Variants in ABL1 observed in about 807,000 individuals in gnomAD.
ABL1 encodes the protein ABL proto-oncogene 1, non-receptor tyrosine kinase.
ABL1 carries 11 observed loss-of-function variants against 94.7 expected under a neutral mutation model. The ratio of observed to expected loss-of-function variants is 0.12; its 90% CI spans 0.07 to 0.19. ABL1 has a LOEUF of 0.19. Ranked by LOEUF, ABL1 falls within the 10% of genes least tolerant of loss-of-function variation. The probability of loss-of-function intolerance (pLI) is 1.00; values close to 1 mark genes in which losing one functional copy is unlikely to be tolerated. For missense variants in ABL1, 1,082 were observed against 1,489.4 expected (o/e 0.73, Z 4.50); for synonymous variants, 656 against 622.4 (o/e 1.05, Z -0.80).
Position 130,884,359 on chromosome 9 carries a change from C to A in ABL1, c.2069C>A (p.Ser690Tyr). ...GFRSPHLWKK[S>Y]STLTSSRLAT... Reference sequence around the variant, plus strand: ...CGGTCTCCCCACCTGTGGAAGAAGTCCAGCACGCTGACCAGCAGCCGCCTA... The same window carrying A: ...CGGTCTCCCCACCTGTGGAAGAAGTACAGCACGCTGACCAGCAGCCGCCTA... Residue 690 changes from serine to tyrosine, a missense_variant, in exon 11 of 11, where the codon TCC (serine) becomes TAC (tyrosine). Transcript: ENST00000318560. The surrounding 1 kb of genome is among the most constrained non-coding windows in gnomAD (Gnocchi z 5.6). 6.2e-7 allele frequency: 1 copy of A among 1,612,054 alleles called. No homozygotes were observed. Among genetic ancestry groups the A allele is most frequent in the Non-Finnish European group, 8.5e-7 (1 of 1,179,784 alleles).
intron 1 of ABL1, among the ~76,000 whole-genome samples, chr9:130,802,095 C>CTTT (rs3085157): frequency 0.031 from 4,093 of 132,024 alleles, 179 homozygotes; most frequent in African/African-American, 0.066. Context: ...TTCCTTCAGT[C>CTTT]TTTTTTTTTT....
At position 130,819,853 on chromosome 9, in the gene ABL1, C is replaced by CTT. The variant is rs777754388; in HGVS notation, c.137-34197_137-34196dup. On this transcript the variant is annotated intron_variant, in intron 1 of 10. Coordinates refer to the ABL1 transcript ENST00000372348. ...ACCGCGCCCAGCTGAAAAATACCTA[C>CTT]TTTTTTTTTTTTTTTACAGCAGGAG... Among the ~76,000 whole-genome samples, 325 of 143,046 alleles carry CTT rather than the reference C, an allele frequency of 2.3e-3. 2 individuals carry two copies. The highest frequency in any genetic ancestry group is 6.9e-3 in the African/African-American group (268 of 39,052). The allele number at this position is 143,046 out of a possible 152,430, so 93.8% of individuals were successfully genotyped here.
chr9:130,763,925 T>C (rs1366380857), intron 1 of ABL1, among the ~76,000 whole-genome samples: 5 of 152,150 alleles, frequency 3.3e-5, no homozygotes, highest in Non-Finnish European at 7.3e-5. Context: ...TAATGGCACG[T>C]GTACCGCTAC....
intron 1 of ABL1, among the ~76,000 whole-genome samples, chr9:130,805,268 C>CG (rs778753292): frequency 6.6e-6 from 1 of 152,100 alleles, no homozygotes; most frequent in African/African-American, 2.4e-5. Context: ...TTAGTAGAGA[C>CG]GGGGTTTCAC....
At chr9:130,753,039 G>A (rs566552376) in intron 1 of ABL1, among the ~76,000 whole-genome samples, 102 of 151,918 alleles carry the variant, frequency 6.7e-4, no homozygotes, top group African/African-American at 2.3e-3. Flanking sequence ...GGTGGATCAC[G>A]AGGTCAGGAG....
chr9:130,832,053 A>C (rs541984714), upstream of ABL1, among the ~76,000 whole-genome samples: 1 of 152,262 alleles, frequency 6.6e-6, no homozygotes, highest in Admixed American at 6.5e-5. Flanking sequence ...TAGATTGTCC[A>C]TGGATTATGC....
chr9:130,769,812 A>G (rs1409327240), intron 1 of ABL1, among the ~76,000 whole-genome samples: 1 of 152,110 alleles, frequency 6.6e-6, no homozygotes, highest in African/African-American at 2.4e-5. Context: ...ATCACCCCCT[A>G]GAATTCCCTT....
intron 1 of ABL1, among the ~76,000 whole-genome samples, chr9:130,793,593 T>G (rs1368602705): frequency 2.6e-5 from 4 of 152,192 alleles, no homozygotes; most frequent in Non-Finnish European, 5.9e-5. Flanking sequence ...TTGACTGCAA[T>G]TTTAGTACTG....
At chr9:130,786,155 G>C (rs1296158790) in intron 1 of ABL1, among the ~76,000 whole-genome samples, 1 of 152,302 alleles carries the variant, frequency 6.6e-6, no homozygotes, top group Admixed American at 6.5e-5. Context: ...AGCCTTTGTT[G>C]GGCTTCTGTG....
rs1170504567 is a variant in ABL1 at position 130,885,391 on chromosome 9, A to C, written c.3101A>C (p.Asp1034Ala). ...GCCATCACCAAGGGCGTGGTCCTGGACAGCACCGAGGCGCTGTGCCTCGCC... is the reference window on the plus strand; with the variant it reads ...GCCATCACCAAGGGCGTGGTCCTGGCCAGCACCGAGGCGCTGTGCCTCGCC... Reference protein sequence around the residue: ...SGAITKGVVLDSTEALCLAIS... With the variant: ...SGAITKGVVLASTEALCLAIS... The change falls in exon 11 of 11, where the codon GAC becomes GCC. Residue 1034 changes from aspartate to alanine, a missense_variant. This residue lies in a region of ABL1 where 780 missense variants were observed against 835.8 expected (regional missense o/e 0.93). Coordinates refer to ENST00000318560, the MANE Select transcript of ABL1 (RefSeq NM_005157.6). 2 of 1,613,694 alleles carry C rather than the reference A, an allele frequency of 1.2e-6. No homozygotes were observed. The highest frequency in any genetic ancestry group is 1.7e-6 in the Non-Finnish European group (2 of 1,180,048).
At chr9:130,873,482 C>G (rs1373443466) in intron 6 of ABL1, among the ~76,000 whole-genome samples, 1 of 152,224 alleles carries the variant, frequency 6.6e-6, no homozygotes, top group Admixed American at 6.5e-5. Flanking sequence ...ACAACCAGTA[C>G]ATGGCTTTTG....
At chr9:130,787,990 G>A (rs1829853459) in intron 1 of ABL1, among the ~76,000 whole-genome samples, 1 of 138,206 alleles carries the variant, frequency 7.2e-6, no homozygotes, top group African/African-American at 3.2e-5. Context: ...TCTTTTTGTT[G>A]GGTTGAAAGT....
chr9:130,720,456 C>T (rs1207068304), intron 1 of ABL1, among the ~76,000 whole-genome samples: 1 of 152,110 alleles, frequency 6.6e-6, no homozygotes, highest in Non-Finnish European at 1.5e-5. Flanking sequence ...TGAGGCAGAG[C>T]TTGCTAGTTT....
At chr9:130,727,366 G>A (rs1405392221) in intron 1 of ABL1, among the ~76,000 whole-genome samples, 1 of 151,540 alleles carries the variant, frequency 6.6e-6, no homozygotes, top group Non-Finnish European at 1.5e-5. Flanking sequence ...TGTGCCTGGC[G>A]GTATCTCTCT....
At chr9:130,846,955 G>T (rs1296231240) in intron 1 of ABL1, among the ~76,000 whole-genome samples, 1 of 152,084 alleles carries the variant, frequency 6.6e-6, no homozygotes, top group African/African-American at 2.4e-5. Context: ...AGTTAATCAT[G>T]CACAGATCCA....
intron 4 of ABL1, among the ~76,000 whole-genome samples, chr9:130,865,583 C>CA (rs1831141065): frequency 1.3e-5 from 2 of 151,912 alleles, no homozygotes; most frequent in East Asian, 1.9e-4. Context: ...TCTGCCTCTA[C>CA]AAAAAATACC....
chr9:130,800,568 C>A (rs1297678747), intron 1 of ABL1, among the ~76,000 whole-genome samples: 1 of 152,166 alleles, frequency 6.6e-6, no homozygotes, highest in South Asian at 2.1e-4. Flanking sequence ...CCCAGACAAA[C>A]ACTTATCCAC....
At chr9:130,811,734 C>T (rs1407976597) in intron 1 of ABL1, among the ~76,000 whole-genome samples, 2 of 151,650 alleles carry the variant, frequency 1.3e-5, no homozygotes, top group African/African-American at 2.4e-5. Flanking sequence ...CAGGGTGAAA[C>T]TTTGTCTCTA....
chr9:130,884,050 A>G lies in ABL1; in HGVS notation c.1760A>G (p.Asp587Gly). The change falls in exon 11 of 11, where the codon GAT (aspartate) becomes GGT (glycine). Residue 587 changes from aspartate to glycine, a missense_variant. Asp to Gly is a moderately conservative substitution (Grantham distance 94, BLOSUM62 -1). Coordinates refer to ENST00000318560, the MANE Select transcript of ABL1 (RefSeq NM_005157.6). This position sits in a 1 kb window ranked among gnomAD's most constrained non-coding sequence, Gnocchi z 5.6. ...RGPPEGGLNE[D>G]ERLLPKDKKT... Reference sequence around the variant, plus strand: ...CCCCCGGAGGGCGGCCTGAATGAAGATGAGCGCCTTCTCCCCAAAGACAAA... The same window carrying G: ...CCCCCGGAGGGCGGCCTGAATGAAGGTGAGCGCCTTCTCCCCAAAGACAAA... The G allele has an allele frequency of 6.2e-7, 1 of 1,613,950 alleles. No individual in the cohort carries two copies. The highest frequency in any genetic ancestry group is 8.5e-7 in the Non-Finnish European group (1 of 1,180,044).
Sources: allele counts gnomAD v4.1 joint callset (sites outside exome capture counted in the v4.1 genomes callset), GRCh38; gene constraint gnomAD v4.1.1; regional missense constraint gnomAD v4.1.1; non-coding constraint Gnocchi (gnomAD v3.1); transcripts MANE v1.5; gene names NCBI Gene and HGNC (gene_info 2026-07-23, HGNC 2026-07-21).